KNTC1: variants seen among roughly 807,000 people sequenced by gnomAD.
KNTC1 encodes kinetochore-associated protein 1.
KNTC1 carries 253 observed loss-of-function variants against 314.4 expected under a neutral mutation model. The ratio of observed to expected loss-of-function variants is 0.80; its 90% CI spans 0.73 to 0.89. KNTC1 has a LOEUF of 0.89. Ranked by LOEUF, KNTC1 falls within the 40% of genes least tolerant of loss-of-function variation. KNTC1 has a pLI of 0.00. For synonymous variants in KNTC1, 901 were observed against 901.4 expected (o/e 1.00, Z 0.01); for missense variants, 2,475 against 2,572.9 (o/e 0.96, Z 0.82).
intron 49 of KNTC1, 51 bp downstream of exon 49, chr12:122,604,688 T>G (rs1872384705): frequency 1.4e-5 from 19 of 1,352,684 alleles, no homozygotes; most frequent in Non-Finnish European, 1.9e-5. Context: ...AATTAAATTG[T>G]ACTAGCTTAA....
intron 2 of KNTC1, among the ~76,000 whole-genome samples, chr12:122,533,102 G>A (rs1421506283): frequency 6.6e-6 from 1 of 151,490 alleles, no homozygotes; most frequent in Non-Finnish European, 1.5e-5. Context: ...AAGGAGAACA[G>A]TCTAGAGAGA....
rs192484609 is a variant in KNTC1 at position 122,625,219 on chromosome 12, A to G, written c.6606+531A>G. On this transcript the variant is annotated intron_variant, in intron 63 of 63. Transcript: ENST00000333479. ...GGAGTTCAAGACCAGCCTGGCCAACATGGTGAAACCCCGTCTCTACTAAAA... is the reference window on the plus strand; with the variant it reads ...GGAGTTCAAGACCAGCCTGGCCAACGTGGTGAAACCCCGTCTCTACTAAAA... 1.3e-3 allele frequency among the ~76,000 whole-genome samples: 200 copies of G among 152,284 alleles called. No homozygotes were observed. In the East Asian group the frequency reaches 0.028, roughly 21 times the overall value.
At position 122,594,368 on chromosome 12, in the gene KNTC1, C is replaced by T. The variant is rs1870742449; in HGVS notation, c.4338C>T (p.Leu1446=). 1 of 1,582,448 alleles carries T rather than the reference C, an allele frequency of 6.3e-7. No individual in the cohort carries two copies. The highest frequency in any genetic ancestry group is 1.3e-5 in the African/African-American group (1 of 74,202). The change falls in exon 43 of 64, where the codon CTC becomes CTT. Residue 1446 remains leucine, a synonymous_variant. Coordinates refer to ENST00000333479, the MANE Select transcript of KNTC1 (RefSeq NM_014708.6). The part of the protein sequence containing the change: ...LVENIDMDTS[L]ILEYCSTFQL... The stretch of plus-strand genomic sequence containing the variant: ...AGAATATAGATATGGACACAAGCCT[C>T]ATTTTGGAATATTGCAGGTAATTCT...
chr12:122,604,576 T>G lies in KNTC1; in HGVS notation c.5114T>G (p.Ile1705Arg). 6.6e-7 allele frequency: 1 copy of G among 1,521,502 alleles called. No homozygotes were observed. The highest frequency in any genetic ancestry group is 9.1e-7 in the Non-Finnish European group (1 of 1,098,028). 94.3% of individuals were successfully genotyped at this position (1,521,502 alleles called of 1,614,324 possible). A position where few individuals can be genotyped will look rare whatever the true frequency, so the allele number is the denominator to read the frequency against. ...AQDIPEGSFK[I>R]SALKFCLYLA... ...TTATTTATTTTAGGTTCCTTCAAGA[T>G]ATCTGCTTTGAAATTCTGCCTTTAT... The change falls in exon 49 of 64, where the codon ATA (isoleucine) becomes AGA (arginine). Residue 1705 changes from isoleucine to arginine, a missense_variant. Physicochemically the swap from Ile to Arg is moderately conservative, Grantham distance 97. Coordinates refer to ENST00000333479, the MANE Select transcript of KNTC1 (RefSeq NM_014708.6).
intron 52 of KNTC1, 140 bp downstream of exon 52, chr12:122,609,570 C>G (rs1381445823): frequency 5.1e-6 from 3 of 585,986 alleles, no homozygotes; most frequent in African/African-American, 1.9e-5. Context: ...AATCAGTTCA[C>G]TAATACGTGG....
At chr12:122,587,266 ACC>A (rs1423587978) in intron 38 of KNTC1, among the ~76,000 whole-genome samples, 1 of 152,136 alleles carries the variant, frequency 6.6e-6, no homozygotes, top group East Asian at 1.9e-4. Flanking sequence ...GCAACAGAAG[ACC>A]CTATCTCTAA....
At chr12:122,608,337 C>A (rs541193040) in intron 51 of KNTC1, among the ~76,000 whole-genome samples, 1 of 152,082 alleles carries the variant, frequency 6.6e-6, no homozygotes, top group Admixed American at 6.6e-5. Context: ...GCCATGTTGC[C>A]CAGGCTGATC....
chr12:122,546,122 G>T (rs923218144), intron 8 of KNTC1, 54 bp from the exon 9 acceptor site: 2 of 1,003,590 alleles, frequency 2.0e-6, no homozygotes, highest in Admixed American at 1.8e-5. Context: ...CTTTGAGGAA[G>T]GCTCAGGTCT....
At chr12:122,548,057 C>T in intron 12 of KNTC1, 88 bp downstream of exon 12, 1 of 692,044 alleles carries the variant, frequency 1.4e-6, no homozygotes, top group Admixed American at 3.7e-5. Context: ...AATAGTACAG[C>T]ATATTAGCTC....
chr12:122,540,261 C>T (rs758912343), intron 5 of KNTC1, among the ~76,000 whole-genome samples: 1 of 151,148 alleles, frequency 6.6e-6, no homozygotes, highest in African/African-American at 2.4e-5. Context: ...AAACCTCTGC[C>T]TCCTGAGTTC....
chr12:122,592,987 C>G (rs976887553), intron 42 of KNTC1: 3 of 152,762 alleles, frequency 2.0e-5, no homozygotes, highest in African/African-American at 7.2e-5. Context: ...GAGGAAGGAA[C>G]AACTCCAGAC....
Position 122,544,258 on chromosome 12 carries a change from G to A in KNTC1, c.658G>A (p.Val220Met), listed in dbSNP as rs752631319. 6.5e-7 allele frequency: 1 copy of A among 1,527,864 alleles called. No individual in the cohort carries two copies. Among genetic ancestry groups the A allele is most frequent in the African/African-American group, 1.4e-5 (1 of 72,164 alleles). 94.6% of individuals were successfully genotyped at this position (1,527,864 alleles called of 1,614,324 possible). ...TGGAGATTTAGCAAGTGAAGTTCCT[G>A]TGATAATTGGGGTAATTGTTTTTAT... ...VAGDLASEVP[V>M]IIGGTGNCAF... is the part of the protein sequence containing the mutation. Residue 220 changes from valine to methionine, a missense_variant, in exon 8 of 64, where the codon GTG (valine) becomes ATG (methionine). Coordinates refer to ENST00000333479, the MANE Select transcript of KNTC1 (RefSeq NM_014708.6).
At chr12:122,569,869 T>C (rs941474122) in intron 22 of KNTC1, 45 bp downstream of exon 22, 1 of 1,552,012 alleles carries the variant, frequency 6.4e-7, no homozygotes, top group African/African-American at 1.4e-5. Context: ...TTTATTTCAT[T>C]TTTTACATTA....
chr12:122,556,301 C>T (rs1040869705), intron 16 of KNTC1, among the ~76,000 whole-genome samples: 4 of 151,596 alleles, frequency 2.6e-5, no homozygotes, highest in African/African-American at 4.8e-5. Flanking sequence ...TACAGGTGTG[C>T]GCCACCACGC....
intron 1 of KNTC1, among the ~76,000 whole-genome samples, chr12:122,528,134 A>T (rs532444627): frequency 1.3e-5 from 2 of 152,332 alleles, no homozygotes; most frequent in South Asian, 4.2e-4. Context: ...ATAGGTATTC[A>T]ATAAACATTT....
rs1963179768 is a variant in KNTC1 at position 122,551,298 on chromosome 12, CAT to C, written c.1087-20_1087-19del. ...ATTGCTCTTATATTGGAATTTTAAT[CAT>C]GTTTTTTTGTTATTGTAGGATACCA... is the stretch of plus-strand genomic sequence containing the variant. On this transcript the variant is annotated intron_variant, in intron 13 of 63. Transcript: ENST00000333479. The C allele has an allele frequency of 6.9e-7, 1 of 1,451,366 alleles. No individual in the cohort carries two copies. The allele number at this position is 1,451,366 out of a possible 1,614,324, so 89.9% of individuals were successfully genotyped here.
At chr12:122,604,003 G>T (rs1399639336) in intron 48 of KNTC1, among the ~76,000 whole-genome samples, 1 of 152,202 alleles carries the variant, frequency 6.6e-6, no homozygotes, top group South Asian at 2.1e-4. Flanking sequence ...GATATGAAGT[G>T]AGAACAGCAA....
At chr12:122,620,389 G>T in intron 59 of KNTC1, 90 bp from the exon 60 acceptor site, 1 of 1,207,568 alleles carries the variant, frequency 8.3e-7, no homozygotes, top group Non-Finnish European at 1.2e-6. Context: ...TTGAAAACTT[G>T]GACAGGCAGA....
At chr12:122,575,259 C>T (rs1383917674) in intron 27 of KNTC1, among the ~76,000 whole-genome samples, 2 of 151,716 alleles carry the variant, frequency 1.3e-5, no homozygotes, top group Admixed American at 6.6e-5. Context: ...ATGACCCTGC[C>T]TCAAAAAAAC....
Sources: gnomAD v4.1 joint callset for allele counts (sites outside exome capture counted in the v4.1 genomes callset) on GRCh38, gnomAD v4.1.1 for gene constraint, MANE v1.5 for transcripts, NCBI Gene and HGNC (gene_info 2026-07-23, HGNC 2026-07-21) for gene names.